MERTK: variants seen among roughly 807,000 people sequenced by gnomAD.
MERTK encodes tyrosine-protein kinase Mer.
Under a neutral mutation model 99.3 loss-of-function variants are expected in MERTK, and 69 were observed. The observed-to-expected ratio is 0.70, with a 90% CI of 0.57 to 0.85. The LOEUF (loss-of-function observed/expected upper bound fraction) is 0.85, where lower values mean the gene tolerates loss of function less well. Ranked by LOEUF, MERTK falls within the 40% of genes least tolerant of loss-of-function variation. MERTK has a pLI of 0.00. For missense variants in MERTK, 1,125 were observed against 1,249.4 expected, an observed-to-expected ratio of 0.90 and a Z score of 1.50; for synonymous variants, 426 against 467.6, an observed-to-expected ratio of 0.91 and a Z score of 1.15.
chr2:112,019,604 GT>G, intron 16 of MERTK, 82 bp downstream of exon 16: 1 of 1,033,832 alleles, frequency 9.7e-7, no homozygotes, highest in Non-Finnish European at 1.5e-6. Context: ...ACCTGTTCCT[GT>G]TTAGATAGGC....
chr2:111,972,753 C>T (rs1573611495), intron 6 of MERTK, among the ~76,000 whole-genome samples: 1 of 152,192 alleles, frequency 6.6e-6, no homozygotes, highest in African/African-American at 2.4e-5. Context: ...AATGTCGTGA[C>T]ATACCTATAC....
chr2:111,993,192 G>T (rs1162976347), intron 8 of MERTK, among the ~76,000 whole-genome samples: 1 of 152,118 alleles, frequency 6.6e-6, no homozygotes, highest in Admixed American at 6.5e-5. Context: ...GCATTTCTGG[G>T]CCATGATGTC....
Position 111,975,594 on chromosome 2 carries a change from A to G in MERTK, c.1144+122A>G, listed in dbSNP as rs549112485. The G allele has an allele frequency of 6.6e-6, 7 of 1,055,764 alleles. No individual in the cohort carries two copies. In the South Asian group the frequency reaches 9.1e-5, roughly 14 times the overall value. The allele number at this position is 1,055,764 out of a possible 1,614,324, so 65.4% of individuals were successfully genotyped here. ...TTTGGACTTTGTCTCTGGAGGAGAA[A>G]ATTATTGAGGCGACTGATGAAAATG... is the stretch of plus-strand genomic sequence containing the variant. On this transcript the variant is annotated intron_variant, in intron 7 of 18. Transcript: ENST00000295408.
intron 8 of MERTK, among the ~76,000 whole-genome samples, chr2:111,986,331 T>G (rs1422765781): frequency 6.6e-6 from 1 of 152,234 alleles, no homozygotes; most frequent in East Asian, 1.9e-4. Context: ...AAATGCCTCT[T>G]TGAGAGAAGG....
chr2:111,917,293 G>C (rs1042033946), intron 1 of MERTK, among the ~76,000 whole-genome samples: 2 of 152,160 alleles, frequency 1.3e-5, no homozygotes, highest in Non-Finnish European at 2.9e-5. Flanking sequence ...CACCCTGGAG[G>C]GCCACTTGTA....
At chr2:111,977,318 A>G (rs1676273121) in intron 7 of MERTK, among the ~76,000 whole-genome samples, 1 of 152,176 alleles carries the variant, frequency 6.6e-6, no homozygotes, top group African/African-American at 2.4e-5. Flanking sequence ...TATGAGGTAT[A>G]GAACTGTAGG....
At chr2:111,913,053 G>A (rs1185146483) in intron 1 of MERTK, 3 of 985,316 alleles carry the variant, frequency 3.0e-6, no homozygotes, top group East Asian at 1.1e-4. Flanking sequence ...GGCGAAAGGT[G>A]AAAAAGTTTC....
chr2:111,991,988 C>T (rs935625293), intron 8 of MERTK, among the ~76,000 whole-genome samples: 2 of 152,160 alleles, frequency 1.3e-5, no homozygotes, highest in Non-Finnish European at 2.9e-5. Flanking sequence ...TCTTGCTGAT[C>T]TTCTCCTGCC....
chr2:112,001,920 C>G (rs1000681888), intron 11 of MERTK, among the ~76,000 whole-genome samples: 1 of 151,984 alleles, frequency 6.6e-6, no homozygotes, highest in Non-Finnish European at 1.5e-5. Flanking sequence ...AATTTCTTTA[C>G]CTTTCTAGTC....
At chr2:111,943,048 C>T (rs1361305509) in intron 2 of MERTK, among the ~76,000 whole-genome samples, 2 of 152,226 alleles carry the variant, frequency 1.3e-5, no homozygotes, top group Non-Finnish European at 2.9e-5. Context: ...CACATGTCTG[C>T]TCCAGATGCT....
At chr2:111,958,456 A>G (rs17042092) in intron 4 of MERTK, among the ~76,000 whole-genome samples, 4,731 of 152,250 alleles carry the variant, frequency 0.031, 265 homozygotes, top group African/African-American at 0.11. Flanking sequence ...AAAGAAGACT[A>G]TATTTGGCCC....
chr2:111,977,324 G>A (rs1029861743), intron 7 of MERTK, among the ~76,000 whole-genome samples: 2 of 152,132 alleles, frequency 1.3e-5, no homozygotes, highest in Non-Finnish European at 2.9e-5. Flanking sequence ...GTATAGAACT[G>A]TAGGTTCACA....
chr2:111,946,449 G>A (rs545588227), intron 3 of MERTK, among the ~76,000 whole-genome samples: 11 of 152,240 alleles, frequency 7.2e-5, no homozygotes, highest in African/African-American at 2.4e-4. Flanking sequence ...AGCTGGACTC[G>A]TTATATTTTT....
At chr2:111,991,980 T>C (rs2104396662) in intron 8 of MERTK, among the ~76,000 whole-genome samples, 1 of 152,312 alleles carries the variant, frequency 6.6e-6, no homozygotes, top group East Asian at 1.9e-4. Flanking sequence ...AGAATCTCTC[T>C]TGCTGATCTT....
At chr2:111,949,890 A>G (rs1685025507) in intron 4 of MERTK, among the ~76,000 whole-genome samples, 2 of 152,122 alleles carry the variant, frequency 1.3e-5, no homozygotes, top group African/African-American at 2.4e-5. Context: ...ACTCAACATG[A>G]TATCTTTGAG....
At chr2:111,939,740 A>G (rs957983232) in intron 2 of MERTK, among the ~76,000 whole-genome samples, 33 of 147,880 alleles carry the variant, frequency 2.2e-4, no homozygotes, top group African/African-American at 7.1e-4. Flanking sequence ...CTGGCCTCAA[A>G]TGACTCTCTC....
intron 18 of MERTK, among the ~76,000 whole-genome samples, chr2:112,027,742 A>T (rs71414620): frequency 0.075 from 11,378 of 152,264 alleles, 519 homozygotes; most frequent in Middle Eastern, 0.15. Context: ...AGATGGAGTG[A>T]TACGCAGCAC....
chr2:111,924,803 T>A (rs1377213641), intron 1 of MERTK, among the ~76,000 whole-genome samples: 1 of 152,136 alleles, frequency 6.6e-6, no homozygotes, highest in Admixed American at 6.5e-5. Flanking sequence ...TCTCTTCAGT[T>A]TCCCACCACC....
chr2:111,961,008 A>G (rs1685239790), intron 4 of MERTK, among the ~76,000 whole-genome samples: 2 of 151,760 alleles, frequency 1.3e-5, no homozygotes, highest in Non-Finnish European at 2.9e-5. Context: ...TGTGAGAGAA[A>G]TATTCCTCCT....
Sources: allele counts gnomAD v4.1 joint callset (sites outside exome capture counted in the v4.1 genomes callset), GRCh38; gene constraint gnomAD v4.1.1; transcripts MANE v1.5; gene names NCBI Gene and HGNC (gene_info 2026-07-23, HGNC 2026-07-21).